Variants in RNF215 observed in about 807,000 individuals in gnomAD.
The protein encoded by RNF215 is ring finger protein 215.
RNF215 carries 41 observed loss-of-function variants against 44.8 expected under a neutral mutation model. That is an observed-to-expected ratio of 0.92 (90% CI 0.71 to 1.19). The LOEUF (loss-of-function observed/expected upper bound fraction) is 1.19. Among genes scored for constraint, RNF215 ranks in the 50% most tolerant of loss-of-function variants. The probability of loss-of-function intolerance (pLI) is 0.00; values close to 1 mark genes in which losing one functional copy is unlikely to be tolerated. For missense variants in RNF215, 452 were observed against 496.2 expected (o/e 0.91, Z 0.85); for synonymous variants, 218 against 230.1 (o/e 0.95, Z 0.48).
Position 30,387,272 on chromosome 22 carries a change from C to A in RNF215, c.42G>T (p.Pro14=), listed in dbSNP as rs1183220656. 3.8e-6 allele frequency: 4 copies of A among 1,045,154 alleles called. No individual in the cohort carries two copies. The highest frequency in any genetic ancestry group is 3.5e-6 in the Non-Finnish European group (3 of 866,022). The allele number at this position is 1,045,154 out of a possible 1,614,324, so 64.7% of individuals were successfully genotyped here. ...AARPALRSPP[P]PPPPPPSPLL... is the part of the protein sequence containing the mutation. ...GCGGAGACGGAGGCGGCGGCGGAGG[C>A]GGCGGCGGCGATCTCAGCGCGGGGC... The change falls in exon 1 of 9, where the codon CCG becomes CCT. Residue 14 remains proline (P), a synonymous_variant. Coordinates refer to ENST00000382363, the MANE Select transcript of RNF215 (RefSeq NM_001017981.2).
chr22:30,381,720 C>A (rs900113507), intron 5 of RNF215, among the ~76,000 whole-genome samples: 4 of 152,316 alleles, frequency 2.6e-5, no homozygotes, highest in African/African-American at 9.6e-5. Flanking sequence ...CCGCTCTAGA[C>A]AAGCCTGGTG....
At position 30,379,824 on chromosome 22, in the gene RNF215, G is replaced by A. The variant is rs1018017560; in HGVS notation, c.1009-11C>T. ...CAGCACCCGGAGCCACTACAGGGGT[G>A]GGGGAGGAAGGGCTCAGGTCACCGA... On this transcript the variant is annotated splice_polypyrimidine_tract_variant and intron_variant, in intron 7 of 8. Coordinates refer to ENST00000382363, the MANE Select transcript of RNF215 (RefSeq NM_001017981.2). The A allele has an allele frequency of 3.1e-5, 48 of 1,572,152 alleles. No individual in the cohort carries two copies. The highest frequency in any genetic ancestry group is 4.1e-5 in the African/African-American group (3 of 74,022).
Position 30,384,159 on chromosome 22 carries a change from C to T in RNF215, c.744+180G>A, listed in dbSNP as rs548726701. Among the ~76,000 whole-genome samples the T allele has an allele frequency of 2.6e-5, 4 of 152,306 alleles. No homozygotes were observed. The South Asian group carries it at 8.3e-4, about 32-fold the overall frequency. On this transcript the variant is annotated intron_variant, in intron 5 of 8. Coordinates refer to ENST00000382363, the MANE Select transcript of RNF215 (RefSeq NM_001017981.2). The stretch of plus-strand genomic sequence containing the variant: ...CTGACTACATGTGACCTGGCCCAGG[C>T]GCCCCAACTGAGCGCCCACCTACAC...
At position 30,380,398 on chromosome 22, in the gene RNF215, G is replaced by C; in HGVS notation, c.748C>G (p.Pro250Ala). ...LGGSRAQEQK[P>A]LQQLWNAILL... ...ATGGCGTTCCACAGCTGCTGCAGGG[G>C]TTTCTGGGGAGGGAAGCAGTCATCA... is the stretch of plus-strand genomic sequence containing the variant. The change falls in exon 6 of 9, where the codon CCC (proline) becomes GCC (alanine). Residue 250 changes from proline (P) to alanine (A), a missense_variant. Pro to Ala is a conservative substitution (Grantham distance 27). Transcript: ENST00000382363. The surrounding 1 kb of genome is among the most constrained non-coding windows in gnomAD (Gnocchi z 5.3). The C allele has an allele frequency of 6.2e-7, 1 of 1,602,610 alleles. No homozygotes were observed. Among genetic ancestry groups the C allele is most frequent in the Non-Finnish European group, 8.5e-7 (1 of 1,173,420 alleles).
In RNF215 at chr22:30,380,178, G is replaced by T. The variant is rs145777306; in HGVS notation, c.892C>A (p.Arg298=). 1.9e-6 allele frequency: 3 copies of T among 1,613,816 alleles called. 1 individual carries two copies. In the South Asian group the frequency reaches 3.3e-5, roughly 18 times the overall value. The change falls in exon 7 of 9, where the codon CGG becomes AGG. Residue 298 remains arginine, a synonymous_variant. Coordinates refer to ENST00000382363, the MANE Select transcript of RNF215 (RefSeq NM_001017981.2). The surrounding 1 kb of genome is among the most constrained non-coding windows in gnomAD (Gnocchi z 5.3). ...CGTGTCTTGAGGGATGCCAGTCTCC[G>T]CACCACGCGGCGCTTAAACAGGTCC... is the stretch of plus-strand genomic sequence containing the variant. ...QVDLFKRRVV[R]RLASLKTRRC...
intron 3 of RNF215, 27 bp from the exon 4 acceptor site, chr22:30,386,016 G>A (rs749769348): frequency 8.7e-6 from 14 of 1,613,766 alleles, no homozygotes; most frequent in Non-Finnish European, 1.2e-5. Flanking sequence ...AGGTCAGCAG[G>A]CCTGGGTCCC....
Position 30,386,685 on chromosome 22 carries a change from C to A in RNF215, c.360G>T (p.Gln120His), listed in dbSNP as rs778936362. Residue 120 changes from glutamine to histidine, a missense_variant, in exon 2 of 9, where the codon CAG (glutamine) becomes CAT (histidine). Physicochemically the swap from Gln to His is conservative, Grantham distance 24. Transcript: ENST00000382363. Reference sequence around the variant, plus strand: ...TATTCTCCTGGTGGAACTGGGCCGCCTGCTCCTTGCCCACGTATGCCACTG... The same window carrying A: ...TATTCTCCTGGTGGAACTGGGCCGCATGCTCCTTGCCCACGTATGCCACTG... ...WIAVAYVGKEQAAQFHQENKG... is the reference protein window; with the variant it reads ...WIAVAYVGKEHAAQFHQENKG... 43 of 1,612,588 alleles carry A rather than the reference C, an allele frequency of 2.7e-5. No individual in the cohort carries two copies. The highest frequency in any genetic ancestry group is 3.5e-5 in the Non-Finnish European group (41 of 1,180,016).
At chr22:30,384,526 A>G in intron 4 of RNF215, 31 bp from the exon 5 acceptor site, 1 of 1,605,290 alleles carries the variant, frequency 6.2e-7, no homozygotes, top group Non-Finnish European at 8.5e-7. Flanking sequence ...GGCCAGATGG[A>G]AGGACTCTTG....
chr22:30,386,889 TG>T lies in RNF215; in HGVS notation c.286-131del, dbSNP rs1194042404. On this transcript the variant is annotated intron_variant, in intron 1 of 8. Transcript: ENST00000382363. ...TCTCTGGTTTGGGAAGCCGGAATGC[TG>T]GGGGCCTGGGGAGCCTGGGGAGGGG... is the stretch of plus-strand genomic sequence containing the variant. 2.0e-6 allele frequency: 3 copies of T among 1,473,476 alleles called. 1 individual carries two copies. In the South Asian group the frequency reaches 4.0e-5, roughly 20 times the overall value. The allele number at this position is 1,473,476 out of a possible 1,614,324, so 91.3% of individuals were successfully genotyped here.
Position 30,384,401 on chromosome 22 carries a change from T to C in RNF215, c.682A>G (p.Lys228Glu). 1 of 1,614,076 alleles carries C rather than the reference T, an allele frequency of 6.2e-7. No individual in the cohort carries two copies. The highest frequency in any genetic ancestry group is 8.5e-7 in the Non-Finnish European group (1 of 1,179,984). ...LTLWTTCGLS[K>E]DGYGGWQDLV... ...TCCTGCCATCCTCCATAGCCATCCT[T>C]GGAGAGGCCACAGGTGGTCCACAAG... Residue 228 changes from lysine (K) to glutamate (E), a missense_variant, in exon 5 of 9, where the codon AAG (lysine) becomes GAG (glutamate). By Grantham distance (56) the Lys-to-Glu change is moderately conservative. Transcript: ENST00000382363.
At position 30,385,907 on chromosome 22, in the gene RNF215, A is replaced by G; in HGVS notation, c.584T>C (p.Leu195Pro). ...TGAAGTCTAAATACCAACTCACTGC[A>G]GCAATGCATCCAACAGCTTGGTGAC... ...SNVTKLLDAL[L>P]QRTQATAEIT... The change falls in exon 4 of 9, where the codon CTG (leucine) becomes CCG (proline). Residue 195 changes from leucine to proline, a missense_variant. Leu to Pro is a moderately conservative substitution (Grantham distance 98, BLOSUM62 -3). Coordinates refer to ENST00000382363, the MANE Select transcript of RNF215 (RefSeq NM_001017981.2). The G allele has an allele frequency of 6.2e-7, 1 of 1,613,902 alleles. No individual in the cohort carries two copies. The highest frequency in any genetic ancestry group is 8.5e-7 in the Non-Finnish European group (1 of 1,179,814).
In RNF215 at chr22:30,384,512, CCGGGG is replaced by C. The variant is rs1933569629; in HGVS notation, c.588-22_588-18del. Reference sequence around the variant, plus strand: ...TGGGTCCTCCTGGGAGGGGAAGTCACCGGGGCCAGATGGAAGGACTCTTGGGAAGG... The same window carrying C: ...TGGGTCCTCCTGGGAGGGGAAGTCACCCAGATGGAAGGACTCTTGGGAAGG... On this transcript the variant is annotated intron_variant, in intron 4 of 8. Transcript: ENST00000382363. The C allele has an allele frequency of 1.2e-6, 2 of 1,610,368 alleles. No homozygotes were observed. The highest frequency in any genetic ancestry group is 1.7e-6 in the Non-Finnish European group (2 of 1,177,676).
intron 5 of RNF215, among the ~76,000 whole-genome samples, chr22:30,383,164 G>A (rs1015129280): frequency 1.8e-4 from 27 of 152,114 alleles, no homozygotes; most frequent in Non-Finnish European, 1.5e-4. Context: ...CTGAGAGCCC[G>A]ATGCCCATCA....
At position 30,386,606 on chromosome 22, in the gene RNF215, TC is replaced by T. The variant is rs771290054; in HGVS notation, c.429+9del. ...CCTCCAGCCCCCTCCCCCATAGACA[TC>T]CCCTGCACCTGCTGGACCAGGGCCT... On this transcript the variant is annotated intron_variant, in intron 2 of 8. Transcript: ENST00000382363. The T allele has an allele frequency of 2.5e-6, 4 of 1,609,138 alleles. No individual in the cohort carries two copies. In the African/African-American group the frequency reaches 5.3e-5, roughly 22 times the overall value.
intron 2 of RNF215, 129 bp from the exon 3 acceptor site, chr22:30,386,270 C>T (rs1186859511): frequency 3.5e-6 from 3 of 862,832 alleles, no homozygotes; most frequent in Non-Finnish European, 5.4e-6. Flanking sequence ...CTGCCATAAG[C>T]TCCTTGAGGT....
chr22:30,385,278 C>A (rs547433011), intron 4 of RNF215, among the ~76,000 whole-genome samples: 2 of 151,754 alleles, frequency 1.3e-5, no homozygotes, highest in South Asian at 2.1e-4. Flanking sequence ...AAAAATTAGC[C>A]GGGCATGGTG....
chr22:30,380,184 C>A lies in RNF215; in HGVS notation c.886G>T (p.Val296Leu), dbSNP rs142215295. The part of the protein sequence containing the change: ...GGQVDLFKRR[V>L]VRRLASLKTR... ...TTGAGGGATGCCAGTCTCCGCACCA[C>A]GCGGCGCTTAAACAGGTCCACCTGT... Residue 296 changes from valine to leucine, a missense_variant, in exon 7 of 9, where the codon GTG becomes TTG. Coordinates refer to ENST00000382363, the MANE Select transcript of RNF215 (RefSeq NM_001017981.2). The surrounding 1 kb of genome is among the most constrained non-coding windows in gnomAD (Gnocchi z 5.3). 2 of 1,613,812 alleles carry A rather than the reference C, an allele frequency of 1.2e-6. No individual in the cohort carries two copies. The highest frequency in any genetic ancestry group is 1.1e-5 in the South Asian group (1 of 91,082).
At chr22:30,381,323 A>C (rs541990872) in intron 5 of RNF215, among the ~76,000 whole-genome samples, 4 of 152,200 alleles carry the variant, frequency 2.6e-5, no homozygotes, top group Admixed American at 2.6e-4. Context: ...ATCTTTGTGG[A>C]ATGAGTGAAT....
At chr22:30,386,177 C>A (rs757356563) in intron 2 of RNF215, 36 bp from the exon 3 acceptor site, 15 of 1,549,132 alleles carry the variant, frequency 9.7e-6, no homozygotes, top group Non-Finnish European at 1.3e-5. Context: ...CTAGCATATA[C>A]CCTGCCTGCA....
Sources: gnomAD v4.1 joint callset for allele counts (sites outside exome capture counted in the v4.1 genomes callset) on GRCh38, gnomAD v4.1.1 for gene constraint, Gnocchi (gnomAD v3.1) non-coding constraint, MANE v1.5 for transcripts, NCBI Gene and HGNC (gene_info 2026-07-23, HGNC 2026-07-21) for gene names.